The following ACSBG2 variants were observed in gnomAD, a reference collection of about 807,000 sequenced individuals.
The protein encoded by ACSBG2 is long-chain-fatty-acid--CoA ligase ACSBG2.
In ACSBG2, 62 loss-of-function variants were observed where a neutral mutation model predicts 74.7. The observed-to-expected ratio is 0.83, with a 90% CI of 0.68 to 1.03. ACSBG2 has a LOEUF of 1.03. Among genes scored for constraint, ACSBG2 ranks in the 50% least tolerant of loss-of-function variants. The pLI is 0.00. For missense variants in ACSBG2, 730 were observed against 817.6 expected (o/e 0.89, Z 1.31); for synonymous variants, 309 against 294.1 (o/e 1.05, Z -0.52).
Position 6,165,940 on chromosome 19 carries a change from G to GA in ACSBG2, c.665dup (p.Asn222LysfsTer24). ...AGCAGGTCATCGAGAGCCAGAAGGC[G>GA]AATCAATGCGCAGTGCTCATCTACA... On this transcript the variant is annotated frameshift_variant, in exon 7 of 15. Transcript: ENST00000588485. LOFTEE classifies it high-confidence loss of function. 6.2e-7 allele frequency: 1 copy of GA among 1,613,756 alleles called. No homozygotes were observed.
At chr19:6,141,103 T>C (rs980670592) in intron 1 of ACSBG2, among the ~76,000 whole-genome samples, 2 of 152,168 alleles carry the variant, frequency 1.3e-5, no homozygotes, top group Non-Finnish European at 2.9e-5. Flanking sequence ...ATGTGGAAAA[T>C]TTAAAAATTT....
Position 6,174,431 on chromosome 19 carries a change from G to A in ACSBG2, c.739-2798G>A, listed in dbSNP as rs2090041504. ...GAATGGGAGGAGTAGCAGAGAATCT[G>A]CAGCTCTGTTTAATCTACCACATAT... On this transcript the variant is annotated intron_variant, in intron 7 of 14. Coordinates refer to ENST00000588485, the MANE Select transcript of ACSBG2 (RefSeq NM_030924.5). The surrounding 1 kb of genome is among the most constrained non-coding windows in gnomAD (Gnocchi z 4.2). Among the ~76,000 whole-genome samples the A allele has an allele frequency of 6.6e-6, 1 of 152,180 alleles. No homozygotes were observed.
At chr19:6,185,036 C>T (rs1363824150) in intron 10 of ACSBG2, among the ~76,000 whole-genome samples, 1 of 151,984 alleles carries the variant, frequency 6.6e-6, no homozygotes, top group Non-Finnish European at 1.5e-5. Flanking sequence ...GATTCTCCCA[C>T]CTCAGCCTCC....
At chr19:6,155,646 C>T (rs1374860510) in intron 4 of ACSBG2, among the ~76,000 whole-genome samples, 1 of 151,740 alleles carries the variant, frequency 6.6e-6, no homozygotes, top group African/African-American at 2.4e-5. Flanking sequence ...AAAAATTAGC[C>T]AGGTGTGGTG....
intron 8 of ACSBG2, among the ~76,000 whole-genome samples, chr19:6,181,816 C>CCCCTA (rs1555696880): frequency 1.3e-4 from 14 of 107,330 alleles, no homozygotes; most frequent in African/African-American, 5.3e-4. Context: ...CCCACCCGCC[C>CCCCTA]CCCCCCCCAA....
At chr19:6,168,187 C>T (rs1468752117) in intron 7 of ACSBG2, among the ~76,000 whole-genome samples, 1 of 152,164 alleles carries the variant, frequency 6.6e-6, no homozygotes, top group Non-Finnish European at 1.5e-5. Context: ...CTTGCTCACT[C>T]TGTTCTAGCC....
intron 2 of ACSBG2, among the ~76,000 whole-genome samples, chr19:6,145,384 T>C (rs555271672): frequency 1.3e-5 from 2 of 149,578 alleles, no homozygotes; most frequent in African/African-American, 4.9e-5. Flanking sequence ...TGAACTGAGA[T>C]TGTGCCACTG....
intron 4 of ACSBG2, among the ~76,000 whole-genome samples, chr19:6,155,607 T>C (rs2089390667): frequency 6.6e-6 from 1 of 151,870 alleles, no homozygotes; most frequent in African/African-American, 2.4e-5. Flanking sequence ...CTGGGCAACA[T>C]GGTGAAACAC....
chr19:6,140,397 C>T (rs1250697890), intron 1 of ACSBG2, among the ~76,000 whole-genome samples: 1 of 151,914 alleles, frequency 6.6e-6, no homozygotes, highest in Non-Finnish European at 1.5e-5. Context: ...CATGTGATCT[C>T]GGCCAGGCGC....
Position 6,187,800 on chromosome 19 carries a change from T to A in ACSBG2, c.1882T>A (p.Trp628Arg). The A allele has an allele frequency of 1.2e-6, 2 of 1,614,086 alleles. No homozygotes were observed. Among genetic ancestry groups the A allele is most frequent in the Non-Finnish European group, 1.7e-6 (2 of 1,180,022 alleles). The change falls in exon 13 of 15, where the codon TGG becomes AGG. Residue 628 changes from tryptophan (W) to arginine (R), a missense_variant. Physicochemically the swap from Trp to Arg is moderately radical, Grantham distance 101. Coordinates refer to ENST00000588485, the MANE Select transcript of ACSBG2 (RefSeq NM_030924.5). ...AMNNAQRIEK[W>R]VILEKDFSIY... The stretch of plus-strand genomic sequence containing the variant: ...GAACAATGCACAGAGGATTGAAAAG[T>A]GGGTCATCTTGGAGAAGGACTTTTC...
chr19:6,183,945 A>G (rs1446800998), intron 10 of ACSBG2, among the ~76,000 whole-genome samples: 3 of 152,248 alleles, frequency 2.0e-5, no homozygotes, highest in Non-Finnish European at 4.4e-5. Context: ...GACTACACGC[A>G]TGAGCCTCCA....
chr19:6,158,946 T>C (rs983150199), intron 5 of ACSBG2, among the ~76,000 whole-genome samples: 14 of 152,042 alleles, frequency 9.2e-5, no homozygotes, highest in Non-Finnish European at 4.4e-5. Context: ...TTTTCTTTTC[T>C]TTTCTTTTTT....
At chr19:6,189,914 T>G (rs908958925) in intron 13 of ACSBG2, 55 of 152,404 alleles carry the variant, frequency 3.6e-4, no homozygotes, top group African/African-American at 1.1e-3. Flanking sequence ...TTCACCATTT[T>G]GGCCAGGATG....
chr19:6,147,655 G>A lies in ACSBG2; in HGVS notation c.277G>A (p.Ala93Thr). ...FNQYYEACRKAAKSLIKLGLE... is the reference protein window; with the variant it reads ...FNQYYEACRKTAKSLIKLGLE... The stretch of plus-strand genomic sequence containing the variant: ...CCAGTACTATGAGGCTTGTCGGAAG[G>A]CTGCAAAATCCTTGATCAAGGTAAG... Residue 93 changes from alanine (A) to threonine (T), a missense_variant, in exon 3 of 15, where the codon GCT becomes ACT. Coordinates refer to ENST00000588485, the MANE Select transcript of ACSBG2 (RefSeq NM_030924.5). The A allele has an allele frequency of 6.2e-7, 1 of 1,614,140 alleles. No individual in the cohort carries two copies. Among genetic ancestry groups the A allele is most frequent in the Non-Finnish European group, 8.5e-7 (1 of 1,179,970 alleles).
At chr19:6,166,048 G>T in intron 7 of ACSBG2, 33 bp downstream of exon 7, 1 of 1,611,030 alleles carries the variant, frequency 6.2e-7, no homozygotes. Flanking sequence ...TGGAGTGGTG[G>T]CCTTTGGGCT....
intron 2 of ACSBG2, among the ~76,000 whole-genome samples, chr19:6,146,760 C>T (rs1436227205): frequency 6.7e-6 from 1 of 150,242 alleles, no homozygotes; most frequent in Non-Finnish European, 1.5e-5. Context: ...AGCAAAGCTC[C>T]GTCTCAAAAA....
In ACSBG2 at chr19:6,181,584, T is replaced by C. The variant is rs374256909; in HGVS notation, c.907-1167T>C. Reference sequence around the variant, plus strand: ...TGGATGAAGTTTGATTTATCTATTTTCTTTTATGCTTTTGGTATCATATCT... The same window carrying C: ...TGGATGAAGTTTGATTTATCTATTTCCTTTTATGCTTTTGGTATCATATCT... On this transcript the variant is annotated intron_variant, in intron 8 of 14. Transcript: ENST00000588485. Among the ~76,000 whole-genome samples, 13 of 152,284 alleles carry C rather than the reference T, an allele frequency of 8.5e-5. No homozygotes were observed. In the East Asian group the frequency reaches 9.6e-4, roughly 11 times the overall value.
chr19:6,183,111 C>T lies in ACSBG2; in HGVS notation c.1161C>T (p.Gly387=), dbSNP rs774360873. The change falls in exon 10 of 15, where the codon GGC becomes GGT. Residue 387 remains glycine (G), a synonymous_variant. Coordinates refer to ENST00000588485, the MANE Select transcript of ACSBG2 (RefSeq NM_030924.5). The part of the protein sequence containing the change: ...LVFSKVKTSL[G]LDHCHSFISG... Reference sequence around the variant, plus strand: ...TCAGCAAAGTCAAGACATCCCTTGGCTTGGATCACTGTCACTCTTTTATCA... The same window carrying T: ...TCAGCAAAGTCAAGACATCCCTTGGTTTGGATCACTGTCACTCTTTTATCA... The T allele has an allele frequency of 6.2e-7, 1 of 1,614,192 alleles. No individual in the cohort carries two copies. The highest frequency in any genetic ancestry group is 8.5e-7 in the Non-Finnish European group (1 of 1,180,032).
chr19:6,179,632 A>C (rs986626878), intron 8 of ACSBG2, among the ~76,000 whole-genome samples: 6 of 152,042 alleles, frequency 3.9e-5, no homozygotes, highest in African/African-American at 1.5e-4. Context: ...TTTATTTAGA[A>C]ATGGAGTCTC....
Sources: gnomAD v4.1 joint callset for allele counts (sites outside exome capture counted in the v4.1 genomes callset) on GRCh38, gnomAD v4.1.1 for gene constraint, Gnocchi (gnomAD v3.1) non-coding constraint, MANE v1.5 for transcripts, NCBI Gene and HGNC (gene_info 2026-07-23, HGNC 2026-07-21) for gene names.